The following NEXN variants were observed in gnomAD, a reference collection of about 807,000 sequenced individuals.
NEXN encodes the protein nexilin.
NEXN carries 65 observed loss-of-function variants against 92.6 expected under a neutral mutation model. The observed-to-expected ratio is 0.70, with a 90% CI of 0.57 to 0.86. NEXN has a LOEUF of 0.86. NEXN is among the 40% of genes least tolerant of loss of function. NEXN has a pLI of 0.00. For synonymous variants in NEXN, 254 were observed against 242.5 expected, an observed-to-expected ratio of 1.05 and a Z score of -0.44; for missense variants, 778 against 771.1, an observed-to-expected ratio of 1.01 and a Z score of -0.11.
At chr1:77,941,868 GGA>G (rs1356396960) in intron 11 of NEXN, 153 bp from the exon 12 acceptor site, 2 of 678,992 alleles carry the variant, frequency 2.9e-6, no homozygotes, top group African/African-American at 1.8e-5. Flanking sequence ...TTCCTGAACT[GGA>G]GAGTTAGAAA....
intron 8 of NEXN, among the ~76,000 whole-genome samples, chr1:77,928,578 C>A (rs1650048201): frequency 6.6e-6 from 1 of 150,728 alleles, no homozygotes; most frequent in African/African-American, 2.4e-5. Flanking sequence ...TAATAATAAA[C>A]CTTTAATGAT....
At chr1:77,938,997 CAG>C (rs1651027311) in intron 11 of NEXN, among the ~76,000 whole-genome samples, 1 of 152,082 alleles carries the variant, frequency 6.6e-6, no homozygotes, top group Admixed American at 6.5e-5. Flanking sequence ...CTTTTTAGGT[CAG>C]AGTAATAAAA....
At chr1:77,933,526 A>G in intron 10 of NEXN, 47 bp downstream of exon 10, 2 of 1,284,696 alleles carry the variant, frequency 1.6e-6, no homozygotes, top group Non-Finnish European at 2.2e-6. Context: ...ATTAAGCTAA[A>G]TATTTTACTT....
chr1:77,920,592 A>G (rs1649339380), intron 5 of NEXN, among the ~76,000 whole-genome samples: 1 of 128,066 alleles, frequency 7.8e-6, no homozygotes, highest in Non-Finnish European at 1.6e-5. Flanking sequence ...CTGCACTTCC[A>G]GCCAGCAACA....
rs1557975089 is a variant in NEXN, at chr1:77,918,291, G to A, written c.447+18G>A. On this transcript the variant is annotated intron_variant, in intron 5 of 12. Coordinates refer to ENST00000334785, the MANE Select transcript of NEXN (RefSeq NM_144573.4). ...CTGAACAGGTATCACTGAAGATTAA[G>A]TTCGTATTTGTTTCTGAAACTAACT... The A allele has an allele frequency of 1.2e-6, 2 of 1,613,274 alleles. No homozygotes were observed. Among genetic ancestry groups the A allele is most frequent in the Admixed American group, 1.7e-5 (1 of 60,014 alleles).
intron 1 of NEXN, among the ~76,000 whole-genome samples, chr1:77,909,862 A>G (rs1051949521): frequency 2.6e-5 from 4 of 152,222 alleles, no homozygotes; most frequent in Non-Finnish European, 4.4e-5. Context: ...TATAAAGACA[A>G]TATTACTCTG....
At chr1:77,934,490 T>A (rs761850222) in intron 10 of NEXN, among the ~76,000 whole-genome samples, 1 of 152,218 alleles carries the variant, frequency 6.6e-6, no homozygotes, top group African/African-American at 2.4e-5. Flanking sequence ...GTGTGTTGTA[T>A]GTAAGTGAAA....
At chr1:77,917,338 C>T (rs571949297) in intron 2 of NEXN, among the ~76,000 whole-genome samples, 2 of 152,174 alleles carry the variant, frequency 1.3e-5, no homozygotes, top group South Asian at 4.2e-4. Context: ...GATTTCATTA[C>T]TATATAACAG....
rs950792632 is a variant in NEXN, at chr1:77,943,755, C to T, written c.*926C>T. On this transcript the variant is annotated 3_prime_UTR_variant, in exon 13 of 13. Coordinates refer to ENST00000334785, the MANE Select transcript of NEXN (RefSeq NM_144573.4). Reference sequence around the variant, plus strand: ...CTTAGGGAAAAAGTGGCACAACCTTCGATTTAAAATTCTAGTCTTTAAAAT... The same window carrying T: ...CTTAGGGAAAAAGTGGCACAACCTTTGATTTAAAATTCTAGTCTTTAAAAT... 6 of 151,924 alleles carry T rather than the reference C, an allele frequency of 3.9e-5. No homozygotes were observed. The highest frequency in any genetic ancestry group is 2.1e-4 in the South Asian group (1 of 4,822). 9.4% of individuals were successfully genotyped at this position (151,924 alleles called of 1,614,324 possible).
intron 1 of NEXN, among the ~76,000 whole-genome samples, chr1:77,907,915 TC>T (rs944926087): frequency 1.3e-5 from 2 of 152,236 alleles, no homozygotes; most frequent in African/African-American, 4.8e-5. Context: ...ATCCCATGAT[TC>T]CAAGTTTTCC....
chr1:77,902,387 A>G (rs1053729572), intron 1 of NEXN, among the ~76,000 whole-genome samples: 1 of 152,176 alleles, frequency 6.6e-6, no homozygotes, highest in African/African-American at 2.4e-5. Context: ...ATGAAAGTTT[A>G]CCAATTTTCT....
chr1:77,921,959 G>A (rs1044815839), intron 5 of NEXN, among the ~76,000 whole-genome samples: 1 of 151,672 alleles, frequency 6.6e-6, no homozygotes, highest in Non-Finnish European at 1.5e-5. Context: ...GTAGAGATGG[G>A]GTCTCACTTT....
At chr1:77,923,160 ATTTTTT>A (rs763944057) in intron 5 of NEXN, among the ~76,000 whole-genome samples, 5 of 124,376 alleles carry the variant, frequency 4.0e-5, no homozygotes, top group African/African-American at 1.2e-4. Context: ...CACCCAGCTA[ATTTTTT>A]TTTTTTTTTT....
intron 11 of NEXN, 65 bp downstream of exon 11, chr1:77,936,109 C>A: frequency 1.6e-6 from 2 of 1,259,116 alleles, no homozygotes; most frequent in Non-Finnish European, 2.3e-6. Flanking sequence ...ACAGAAGTAA[C>A]ATTGGCTTTG....
At chr1:77,892,322 T>C (rs968828675) in intron 1 of NEXN, among the ~76,000 whole-genome samples, 1 of 151,590 alleles carries the variant, frequency 6.6e-6, no homozygotes. Context: ...GTCACCCAAA[T>C]AGTGTACATT....
At chr1:77,920,296 A>G (rs1305941638) in intron 5 of NEXN, among the ~76,000 whole-genome samples, 2 of 152,222 alleles carry the variant, frequency 1.3e-5, no homozygotes, top group Non-Finnish European at 2.9e-5. Flanking sequence ...TTTGAATATA[A>G]GGAGTAAAGT....
Position 77,942,067 on chromosome 1 carries a change from A to G in NEXN, c.1518A>G (p.Pro506=). 6.2e-7 allele frequency: 1 copy of G among 1,613,716 alleles called. No individual in the cohort carries two copies. The highest frequency in any genetic ancestry group is 8.5e-7 in the Non-Finnish European group (1 of 1,179,708). Residue 506 remains proline, a synonymous_variant, in exon 12 of 13, where the codon CCA becomes CCG. Transcript: ENST00000334785. Reference sequence around the variant, plus strand: ...GGCCTGCAAGAAAAAGCGAGGCTCCATTTACTCACAAAGTGAATATGAAAG... The same window carrying G: ...GGCCTGCAAGAAAAAGCGAGGCTCCGTTTACTCACAAAGTGAATATGAAAG... ...DVRPARKSEA[P]FTHKVNMKAR... is the part of the protein sequence containing the mutation.
rs1287888920 is a variant in NEXN, at chr1:77,942,074, C to T, written c.1525C>T (p.His509Tyr). 5 of 1,613,590 alleles carry T rather than the reference C, an allele frequency of 3.1e-6. 1 individual carries two copies. In the South Asian group the frequency reaches 4.4e-5, roughly 14 times the overall value. Residue 509 changes from histidine (H) to tyrosine (Y), a missense_variant, in exon 12 of 13, where the codon CAC (histidine) becomes TAC (tyrosine). His to Tyr is a moderately conservative substitution (Grantham distance 83). This residue lies in a region of NEXN where 532 missense variants were observed against 476.7 expected (regional missense o/e 1.12). Coordinates refer to ENST00000334785, the MANE Select transcript of NEXN (RefSeq NM_144573.4). ...PARKSEAPFT[H>Y]KVNMKARFEQ... Reference sequence around the variant, plus strand: ...AAGAAAAAGCGAGGCTCCATTTACTCACAAAGTGAATATGAAAGCTAGATT... The same window carrying T: ...AAGAAAAAGCGAGGCTCCATTTACTTACAAAGTGAATATGAAAGCTAGATT...
intron 5 of NEXN, among the ~76,000 whole-genome samples, chr1:77,921,112 T>C (rs890370570): frequency 6.6e-6 from 1 of 152,202 alleles, no homozygotes; most frequent in Non-Finnish European, 1.5e-5. Flanking sequence ...CATACTTTAT[T>C]ATTTTACCAT....
Sources: allele counts gnomAD v4.1 joint callset (sites outside exome capture counted in the v4.1 genomes callset), GRCh38; gene constraint gnomAD v4.1.1; regional missense constraint gnomAD v4.1.1; transcripts MANE v1.5; gene names NCBI Gene and HGNC (gene_info 2026-07-23, HGNC 2026-07-21).